FAT1: variants seen among roughly 807,000 people sequenced by gnomAD.
The protein encoded by FAT1 is protocadherin Fat 1.
A neutral mutation model predicts 329.8 loss-of-function variants in FAT1; 171 were observed. That is an observed-to-expected ratio of 0.52 (90% CI 0.46 to 0.59). The LOEUF (loss-of-function observed/expected upper bound fraction) is 0.59, where lower values mean the gene tolerates loss of function less well. FAT1 is among the 20% of genes least tolerant of loss of function. The pLI is 0.00. For missense variants in FAT1, 5,672 were observed against 5,774.4 expected (o/e 0.98, Z 0.57); for synonymous variants, 2,233 against 2,228.6 (o/e 1.00, Z -0.06).
At chr4:186,614,801 A>C (rs1739626022) in intron 11 of FAT1, among the ~76,000 whole-genome samples, 1 of 115,576 alleles carries the variant, frequency 8.7e-6, no homozygotes, top group Non-Finnish European at 1.7e-5. Context: ...TTGAGAGAGA[A>C]GCAAGTTTCA....
At chr4:186,715,244 AC>A (rs1454651634) in intron 1 of FAT1, among the ~76,000 whole-genome samples, 1 of 131,272 alleles carries the variant, frequency 7.6e-6, no homozygotes, top group East Asian at 2.5e-4. Context: ...GCTCAGTCCC[AC>A]CACAGCCCCC....
At position 186,620,616 on chromosome 4, in the gene FAT1, C is replaced by A. The variant is rs771249871; in HGVS notation, c.5970G>T (p.Glu1990Asp). The change falls in exon 10 of 27, where the codon GAG (glutamate) becomes GAT (aspartate). Residue 1990 changes from glutamate (E) to aspartate (D), a missense_variant. Around this residue, in one of 2 missense-constraint regions of FAT1, gnomAD observed 3,966 missense variants for 3,915.2 expected, o/e 1.01. Transcript: ENST00000441802. The stretch of plus-strand genomic sequence containing the variant: ...CTAATGTTTCGGCCTCGGTGGAATT[C>A]TCTTTCACTACCGCAGAGTAGACAT... Reference protein sequence around the residue: ...TQDVYSAVVKENSTEAETLAV... With the variant: ...TQDVYSAVVKDNSTEAETLAV... 6 of 1,613,902 alleles carry A rather than the reference C, an allele frequency of 3.7e-6. No individual in the cohort carries two copies. The highest frequency in any genetic ancestry group is 5.1e-6 in the Non-Finnish European group (6 of 1,179,904).
At chr4:186,682,014 T>C (rs763228223) in intron 2 of FAT1, among the ~76,000 whole-genome samples, 1 of 152,192 alleles carries the variant, frequency 6.6e-6, no homozygotes. Context: ...GAAGATATCA[T>C]GATTACCAAA....
chr4:186,645,932 T>G (rs1579380702), intron 3 of FAT1, among the ~76,000 whole-genome samples: 3 of 106,526 alleles, frequency 2.8e-5, no homozygotes, highest in African/African-American at 8.0e-5. Flanking sequence ...GGTTACAGAG[T>G]GAGACTGTCT....
chr4:186,725,417 G>A (rs1321636405), upstream of FAT1, among the ~76,000 whole-genome samples: 1 of 151,650 alleles, frequency 6.6e-6, no homozygotes, highest in Non-Finnish European at 1.5e-5. The surrounding 1 kb of genome is among the most constrained non-coding windows in gnomAD (Gnocchi z 5.4). Flanking sequence ...TTTTTAAATG[G>A]CACAAGAGAA....
At chr4:186,609,395 T>A in intron 15 of FAT1, 75 bp from the exon 16 acceptor site, 1 of 1,507,350 alleles carries the variant, frequency 6.6e-7, no homozygotes, top group Non-Finnish European at 8.9e-7. Flanking sequence ...TTTGTGATAT[T>A]AATAGCTTAG....
intron 1 of FAT1, among the ~76,000 whole-genome samples, chr4:186,720,065 A>C (rs981076318): frequency 1.3e-5 from 2 of 152,234 alleles, no homozygotes; most frequent in African/African-American, 4.8e-5. Context: ...TTCTTATTTC[A>C]AAACAAAAAG....
intron 2 of FAT1, among the ~76,000 whole-genome samples, chr4:186,665,025 G>A (rs1452152412): frequency 6.6e-6 from 1 of 152,154 alleles, no homozygotes; most frequent in Non-Finnish European, 1.5e-5. Context: ...TTGAATGAAT[G>A]ATAATTATAT....
In FAT1 at chr4:186,633,680, T is replaced by TTAGG; in HGVS notation, c.4323+3_4323+4insCCTA. 2 of 1,613,902 alleles carry TTAGG rather than the reference T, an allele frequency of 1.2e-6. No homozygotes were observed. Among genetic ancestry groups the TTAGG allele is most frequent in the African/African-American group, 1.3e-5 (1 of 75,036 alleles). Reference sequence around the variant, plus strand: ...GACAAGTGTGTCATTAGTAATTCACTTACCTGAGTGAGGATAGTGGTGGTT... The same window carrying TTAGG: ...GACAAGTGTGTCATTAGTAATTCACTTAGGTACCTGAGTGAGGATAGTGGTGGTT... On this transcript the variant is annotated splice_donor_region_variant and intron_variant, in intron 7 of 26. Coordinates refer to ENST00000441802, the MANE Select transcript of FAT1 (RefSeq NM_005245.4).
chr4:186,690,724 T>G (rs1743718337), intron 2 of FAT1, among the ~76,000 whole-genome samples: 1 of 152,014 alleles, frequency 6.6e-6, no homozygotes, highest in Admixed American at 6.6e-5. Flanking sequence ...CTATCCAAAT[T>G]TAAAGTCACA....
Position 186,628,378 on chromosome 4 carries a change from A to G in FAT1, c.4600-14T>C. ...TTGATCTCGTACCTAAAAAGAATTG[A>G]CACATTATCAATCCCATTGGTGCTT... On this transcript the variant is annotated splice_polypyrimidine_tract_variant and intron_variant, in intron 8 of 26. Transcript: ENST00000441802. 6.2e-7 allele frequency: 1 copy of G among 1,611,170 alleles called. No individual in the cohort carries two copies. The highest frequency in any genetic ancestry group is 8.5e-7 in the Non-Finnish European group (1 of 1,178,158).
chr4:186,588,814 G>A lies in FAT1; in HGVS notation c.13545C>T (p.Pro4515=), dbSNP rs753512486. The change falls in exon 27 of 27, where the codon CCC becomes CCT. Residue 4515 remains proline (P), a synonymous_variant. Transcript: ENST00000441802. Reference sequence around the variant, plus strand: ...GATACCCTGGCGGGTAAGGGGCATGGGGTTCTCTACAAGTACTATTCTCAC... The same window carrying A: ...GATACCCTGGCGGGTAAGGGGCATGAGGTTCTCTACAAGTACTATTCTCAC... ...GTGENSTCRE[P]HAPYPPGYQR... The A allele has an allele frequency of 6.2e-7, 1 of 1,613,990 alleles. No individual in the cohort carries two copies. The highest frequency in any genetic ancestry group is 1.7e-5 in the Admixed American group (1 of 60,026).
At chr4:186,642,743 A>G (rs1297201310) in intron 3 of FAT1, among the ~76,000 whole-genome samples, 2 of 152,238 alleles carry the variant, frequency 1.3e-5, no homozygotes, top group Admixed American at 6.5e-5. Flanking sequence ...AGCTGTGGGC[A>G]TACAGACAGG....
chr4:186,631,657 A>G (rs13106096), intron 7 of FAT1, among the ~76,000 whole-genome samples: 10,878 of 146,564 alleles, frequency 0.074, 503 homozygotes, highest in Middle Eastern at 0.22. Flanking sequence ...GCGGTATCCT[A>G]GTCTCTCGCC....
Position 186,603,233 on chromosome 4 carries a change from C to T in FAT1, c.11293G>A (p.Ala3765Thr), listed in dbSNP as rs1450539555. ...DESVMSTHST[A>T]RLSFVTPRHH... ...CGGGGAGTCACAAAACTCAGTCTGG[C>T]TGTGCTGTGTGTTGACATCACACTT... The change falls in exon 19 of 27, where the codon GCC becomes ACC. Residue 3765 changes from alanine (A) to threonine (T), a missense_variant. Ala to Thr is a moderately conservative substitution (Grantham distance 58). Transcript: ENST00000441802. 2 of 1,613,652 alleles carry T rather than the reference C, an allele frequency of 1.2e-6. No individual in the cohort carries two copies. The highest frequency in any genetic ancestry group is 3.3e-5 in the Admixed American group (2 of 59,962).
intron 2 of FAT1, among the ~76,000 whole-genome samples, chr4:186,678,366 G>C (rs941176375): frequency 7.9e-5 from 12 of 151,306 alleles, no homozygotes; most frequent in African/African-American, 2.7e-4. Context: ...CACTTTGTAA[G>C]GCCAATCTAG....
chr4:186,677,210 A>G (rs1427457000), intron 2 of FAT1, among the ~76,000 whole-genome samples: 1 of 152,232 alleles, frequency 6.6e-6, no homozygotes, highest in Non-Finnish European at 1.5e-5. Context: ...GCTACTTCTA[A>G]TACCCAATTT....
intron 3 of FAT1, among the ~76,000 whole-genome samples, chr4:186,662,417 G>A (rs1742216794): frequency 6.6e-6 from 1 of 152,248 alleles, no homozygotes; most frequent in East Asian, 1.9e-4. Flanking sequence ...TGAGGTCATG[G>A]AGCTATCTTC....
At chr4:186,594,607 A>G (rs1395111985) in intron 26 of FAT1, among the ~76,000 whole-genome samples, 1 of 145,604 alleles carries the variant, frequency 6.9e-6, no homozygotes, top group Non-Finnish European at 1.5e-5. Context: ...TTTTGATACC[A>G]TATATACGGT....
Sources: gnomAD v4.1 joint callset for allele counts (sites outside exome capture counted in the v4.1 genomes callset) on GRCh38, gnomAD v4.1.1 for gene constraint, gnomAD v4.1.1 regional missense constraint, Gnocchi (gnomAD v3.1) non-coding constraint, MANE v1.5 for transcripts, NCBI Gene and HGNC (gene_info 2026-07-23, HGNC 2026-07-21) for gene names.